Variants in ABR observed in about 807,000 individuals in gnomAD.
ABR encodes ABR activator of RhoGEF and GTPase.
Under a neutral mutation model 107.2 loss-of-function variants are expected in ABR, and 35 were observed. That is an observed-to-expected ratio of 0.33 (90% CI 0.25 to 0.43). ABR has a LOEUF of 0.43. Among genes scored for constraint, ABR ranks in the 20% least tolerant of loss-of-function variants. The pLI, the probability that ABR is intolerant of heterozygous loss-of-function variation, is 1.00. For synonymous variants in ABR, 498 were observed against 462.0 expected, an observed-to-expected ratio of 1.08 and a Z score of -1.00; for missense variants, 815 against 1,115.2, an observed-to-expected ratio of 0.73 and a Z score of 3.83.
intron 16 of ABR, among the ~76,000 whole-genome samples, chr17:1,014,605 G>A (rs991468143): frequency 6.6e-6 from 1 of 150,718 alleles, no homozygotes; most frequent in Non-Finnish European, 1.5e-5. Flanking sequence ...TTGGGAGGCC[G>A]AGGGAGGCGG....
chr17:1,171,510 G>A (rs888101827), intron 1 of ABR, among the ~76,000 whole-genome samples: 1 of 152,164 alleles, frequency 6.6e-6, no homozygotes, highest in African/African-American at 2.4e-5. Flanking sequence ...TTTACCTGAG[G>A]CCTCCCAGCC....
At chr17:1,189,754 G>A (rs913951069), upstream of ABR, among the ~76,000 whole-genome samples, 1 of 152,186 alleles carries the variant, frequency 6.6e-6, no homozygotes, top group Non-Finnish European at 1.5e-5. Flanking sequence ...GGCCTGCGTC[G>A]TTCCCTGCTT....
chr17:1,082,668 T>C lies in ABR; in HGVS notation c.639+852A>G, dbSNP rs2036324871. ...GGCAAGAACCTTAAAAGACGACCTATAGTCCAAATTTCCTCAAGACTTCCC... is the reference window on the plus strand; with the variant it reads ...GGCAAGAACCTTAAAAGACGACCTACAGTCCAAATTTCCTCAAGACTTCCC... On this transcript the variant is annotated intron_variant, in intron 5 of 22. Coordinates refer to ENST00000302538, the MANE Select transcript of ABR (RefSeq NM_021962.5). Among the ~76,000 whole-genome samples the C allele has an allele frequency of 2.6e-5, 4 of 152,314 alleles. No individual in the cohort carries two copies. The South Asian group carries it at 6.2e-4, about 24-fold the overall frequency.
chr17:1,159,482 G>A lies in ABR; in HGVS notation c.61+20185C>T, dbSNP rs79362383. Among the ~76,000 whole-genome samples the A allele has an allele frequency of 4.6e-3, 249 of 53,672 alleles. 31 individuals carry two copies. Among genetic ancestry groups the A allele is most frequent in the African/African-American group, 0.011 (108 of 10,246 alleles). 35.2% of individuals were successfully genotyped at this position (53,672 alleles called of 152,430 possible). A position where few individuals can be genotyped will look rare whatever the true frequency, so the allele number is the denominator to read the frequency against. Reference sequence around the variant, plus strand: ...AGGGAAGTAAGAATGCAGTACTCACGCACAAGGGAAGTATGCGGTACTCAC... The same window carrying A: ...AGGGAAGTAAGAATGCAGTACTCACACACAAGGGAAGTATGCGGTACTCAC... On this transcript the variant is annotated intron_variant, in intron 1 of 22. Transcript: ENST00000302538.
chr17:1,061,910 C>G (rs867630514), intron 10 of ABR, among the ~76,000 whole-genome samples: 1 of 152,160 alleles, frequency 6.6e-6, no homozygotes, highest in African/African-American at 2.4e-5. Context: ...TAGCGCTGTC[C>G]CTGGAGTTCA....
chr17:1,136,668 C>T (rs982047438), intron 1 of ABR, among the ~76,000 whole-genome samples: 18 of 152,202 alleles, frequency 1.2e-4, no homozygotes, highest in African/African-American at 3.9e-4. Context: ...TTCCTGACCC[C>T]TCATGAACAA....
chr17:1,139,538 C>T (rs922218261), intron 1 of ABR, among the ~76,000 whole-genome samples: 1 of 150,288 alleles, frequency 6.7e-6, no homozygotes, highest in African/African-American at 2.4e-5. Flanking sequence ...AGGCGTGAGC[C>T]ACCGTGCCCG....
At chr17:1,116,571 A>G (rs2038994584) in intron 2 of ABR, among the ~76,000 whole-genome samples, 1 of 152,170 alleles carries the variant, frequency 6.6e-6, no homozygotes, top group Non-Finnish European at 1.5e-5. Context: ...GGTGAGCAAG[A>G]TCCCAGCCAG....
chr17:1,108,876 C>T, intron 2 of ABR: 1 of 1,509,440 alleles, frequency 6.6e-7, no homozygotes, highest in South Asian at 1.3e-5. Flanking sequence ...TTCTCCCGCG[C>T]ACCTTCGGCA....
chr17:1,113,374 C>T (rs1006675982), intron 2 of ABR, among the ~76,000 whole-genome samples: 1 of 151,110 alleles, frequency 6.6e-6, no homozygotes, highest in African/African-American at 2.4e-5. Flanking sequence ...GCAACCTCCG[C>T]CTCCTCGGTT....
intron 1 of ABR, among the ~76,000 whole-genome samples, chr17:1,226,662 GTA>G (rs1487429125): frequency 6.6e-6 from 1 of 151,074 alleles, no homozygotes; most frequent in East Asian, 2.0e-4. Flanking sequence ...GTGCATGTAT[GTA>G]TGTGACAGTA....
At chr17:1,117,746 A>G (rs1441341539) in intron 2 of ABR, among the ~76,000 whole-genome samples, 4 of 76,876 alleles carry the variant, frequency 5.2e-5, no homozygotes, top group Admixed American at 1.4e-4. Flanking sequence ...GTTAACCCTG[A>G]GCCTGAGTTC....
chr17:1,159,427 G>T (rs1447800267), intron 1 of ABR, among the ~76,000 whole-genome samples: 7 of 59,490 alleles, frequency 1.2e-4, no homozygotes, highest in South Asian at 6.8e-4. Context: ...CTCACACACG[G>T]GAGAGGTAAG....
intron 6 of ABR, chr17:1,079,067 G>A: frequency 7.0e-7 from 1 of 1,432,160 alleles, no homozygotes; most frequent in Non-Finnish European, 9.1e-7. Flanking sequence ...AGGAGGGGTA[G>A]GGAGGGAGGG....
intron 21 of ABR, among the ~76,000 whole-genome samples, chr17:1,008,802 G>A (rs530716917): frequency 1.0e-3 from 153 of 152,260 alleles, no homozygotes; most frequent in African/African-American, 3.5e-3. Flanking sequence ...TTTAAGGGAC[G>A]CCCAGGGACC....
intron 1 of ABR, among the ~76,000 whole-genome samples, chr17:1,147,654 G>A (rs961840242): frequency 2.6e-5 from 4 of 152,024 alleles, no homozygotes; most frequent in African/African-American, 4.8e-5. Context: ...TACCACGCCC[G>A]GCCTTCAGCA....
chr17:1,125,509 C>T (rs1364658011), intron 1 of ABR, 142 bp from the exon 2 acceptor site: 25 of 783,610 alleles, frequency 3.2e-5, no homozygotes, highest in African/African-American at 5.6e-5. Context: ...GGGGGCTGTG[C>T]GGGGGCCTGG....
intron 1 of ABR, among the ~76,000 whole-genome samples, chr17:1,134,767 C>A (rs931041838): frequency 1.3e-5 from 2 of 152,230 alleles, no homozygotes; most frequent in Non-Finnish European, 2.9e-5. Flanking sequence ...ATCGCTGTGG[C>A]TGAGAGCAGG....
chr17:1,029,600 C>G (rs886939032), intron 16 of ABR, among the ~76,000 whole-genome samples: 1 of 152,162 alleles, frequency 6.6e-6, no homozygotes, highest in African/African-American at 2.4e-5. Flanking sequence ...CTGGGCAGTA[C>G]CAGGCACCCT....
Sources: allele counts gnomAD v4.1 joint callset (sites outside exome capture counted in the v4.1 genomes callset), GRCh38; gene constraint gnomAD v4.1.1; transcripts MANE v1.5; gene names NCBI Gene and HGNC (gene_info 2026-07-23, HGNC 2026-07-21).